Variants in GLCE observed in about 807,000 individuals in gnomAD.
The protein encoded by GLCE is glucuronic acid epimerase, also known as D-glucuronyl C5-epimerase.
Under a neutral mutation model 47.9 loss-of-function variants are expected in GLCE, and 19 were observed. The observed-to-expected ratio is 0.40, with a 90% CI of 0.28 to 0.58. GLCE has a LOEUF of 0.58. Among genes scored for constraint, GLCE ranks in the 20% least tolerant of loss-of-function variants. The pLI is 0.48. For synonymous variants in GLCE, 245 were observed against 263.4 expected (o/e 0.93, Z 0.68); for missense variants, 556 against 743.3 (o/e 0.75, Z 2.93).
chr15:69,204,005 G>A lies in GLCE; in HGVS notation c.-104-6311G>A, dbSNP rs2140366794. 2.0e-5 allele frequency among the ~76,000 whole-genome samples: 3 copies of A among 152,092 alleles called. No individual in the cohort carries two copies. In the South Asian group the frequency reaches 6.2e-4, roughly 32 times the overall value. ...ACATGATAGAAAGTGTTCAGAAGAG[G>A]TAGTACTTTTATACTTAGTTTTAAA... On this transcript the variant is annotated intron_variant, in intron 1 of 4. Coordinates refer to ENST00000261858, the MANE Select transcript of GLCE (RefSeq NM_015554.3).
chr15:69,218,061 G>T (rs1374610577), intron 2 of GLCE, among the ~76,000 whole-genome samples: 1 of 151,008 alleles, frequency 6.6e-6, no homozygotes, highest in Non-Finnish European at 1.5e-5. Context: ...GGCCAAGGCA[G>T]GAGAATCAAT....
intron 2 of GLCE, among the ~76,000 whole-genome samples, chr15:69,248,667 C>T (rs1353063260): frequency 2.0e-5 from 3 of 152,072 alleles, no homozygotes; most frequent in Admixed American, 1.3e-4. Context: ...CACTCTGTCG[C>T]CCAGGCTGGA....
chr15:69,232,545 T>C (rs937484868), intron 2 of GLCE, among the ~76,000 whole-genome samples: 6 of 152,206 alleles, frequency 3.9e-5, no homozygotes, highest in Admixed American at 1.3e-4. Flanking sequence ...GAGTTATGCC[T>C]TTATTTTGCC....
intron 1 of GLCE, among the ~76,000 whole-genome samples, chr15:69,198,687 A>C (rs900101442): frequency 2.6e-5 from 4 of 152,118 alleles, no homozygotes; most frequent in African/African-American, 9.7e-5. Context: ...TAACCTAATC[A>C]CAGAAGTGAC....
intron 1 of GLCE, among the ~76,000 whole-genome samples, chr15:69,207,994 G>T (rs1460709350): frequency 6.6e-6 from 1 of 151,366 alleles, no homozygotes. Flanking sequence ...AAATTATATT[G>T]TTTTCTTACT....
intron 3 of GLCE, among the ~76,000 whole-genome samples, chr15:69,258,694 A>T (rs954189193): frequency 6.6e-6 from 1 of 152,178 alleles, no homozygotes; most frequent in Non-Finnish European, 1.5e-5. Flanking sequence ...TTAATGGTGT[A>T]TCCATCACCT....
intron 1 of GLCE, chr15:69,197,010 G>A: frequency 3.2e-6 from 1 of 316,490 alleles, no homozygotes; most frequent in Non-Finnish European, 6.2e-6. Flanking sequence ...TCTGCTGCCG[G>A]TCTGATCCAC....
chr15:69,216,165 G>GA (rs1466081189), intron 2 of GLCE, among the ~76,000 whole-genome samples: 2 of 152,194 alleles, frequency 1.3e-5, no homozygotes, highest in African/African-American at 2.4e-5. Flanking sequence ...ATCTGTGACT[G>GA]AAAAAACATG....
chr15:69,182,269 TTGTG>T (rs34135980), intron 1 of GLCE, among the ~76,000 whole-genome samples: 179 of 144,892 alleles, frequency 1.2e-3, no homozygotes, highest in African/African-American at 3.7e-3. Flanking sequence ...CATCGTGTAT[TTGTG>T]TGTGTGTGTG....
chr15:69,182,291 G>T (rs1333714491), intron 1 of GLCE, among the ~76,000 whole-genome samples: 1 of 151,714 alleles, frequency 6.6e-6, no homozygotes, highest in Non-Finnish European at 1.5e-5. Context: ...GTGTGTGTGT[G>T]TGTGTGTGAG....
chr15:69,257,490 C>T (rs1315756111), intron 3 of GLCE, among the ~76,000 whole-genome samples: 6 of 152,122 alleles, frequency 3.9e-5, no homozygotes, highest in Admixed American at 2.0e-4. Flanking sequence ...AGGCATGCTC[C>T]ACCATGCCCA....
At chr15:69,259,081 GT>G in intron 3 of GLCE, among the ~76,000 whole-genome samples, 1 of 152,082 alleles carries the variant, frequency 6.6e-6, no homozygotes, top group Non-Finnish European at 1.5e-5. Flanking sequence ...ATGGACCATT[GT>G]TTTTTTGTCT....
intron 1 of GLCE, among the ~76,000 whole-genome samples, chr15:69,163,828 A>G (rs1346107538): frequency 6.6e-6 from 1 of 152,202 alleles, no homozygotes; most frequent in Non-Finnish European, 1.5e-5. Context: ...AATGTACAGT[A>G]TTTATAAGGC....
At chr15:69,225,558 A>T (rs1595765845) in intron 2 of GLCE, among the ~76,000 whole-genome samples, 1 of 152,316 alleles carries the variant, frequency 6.6e-6, no homozygotes, top group African/African-American at 2.4e-5. Flanking sequence ...TTTGTGGAAT[A>T]ATGAAGGTCT....
intron 1 of GLCE, among the ~76,000 whole-genome samples, chr15:69,200,357 T>C (rs1231854692): frequency 6.6e-6 from 1 of 152,196 alleles, no homozygotes; most frequent in East Asian, 1.9e-4. Context: ...CTGGGTTGTT[T>C]AATTACACAT....
intron 2 of GLCE, among the ~76,000 whole-genome samples, chr15:69,250,338 A>G (rs1008279992): frequency 3.3e-5 from 5 of 152,094 alleles, no homozygotes; most frequent in East Asian, 1.9e-4. Context: ...CTGTATGTCA[A>G]CACTCAGAGA....
chr15:69,184,272 G>A (rs893349984), intron 1 of GLCE, among the ~76,000 whole-genome samples: 6 of 152,080 alleles, frequency 3.9e-5, no homozygotes, highest in African/African-American at 1.4e-4. Context: ...TTTAGTTGTA[G>A]CTCTGGGCAT....
At chr15:69,185,653 C>A (rs1226734665) in intron 1 of GLCE, among the ~76,000 whole-genome samples, 1 of 151,920 alleles carries the variant, frequency 6.6e-6, no homozygotes, top group Non-Finnish European at 1.5e-5. Flanking sequence ...TTTTTCTACT[C>A]TCACACCACC....
chr15:69,206,831 G>A (rs999765260), intron 1 of GLCE, among the ~76,000 whole-genome samples: 1 of 151,928 alleles, frequency 6.6e-6, no homozygotes, highest in Non-Finnish European at 1.5e-5. Flanking sequence ...TGATGCAGGG[G>A]TATCACCATT....
Sources: allele counts gnomAD v4.1 joint callset (sites outside exome capture counted in the v4.1 genomes callset), GRCh38; gene constraint gnomAD v4.1.1; transcripts MANE v1.5; gene names NCBI Gene and HGNC (gene_info 2026-07-23, HGNC 2026-07-21).